The following SHISA9 variants were observed in gnomAD, a reference collection of about 807,000 sequenced individuals.
SHISA9 encodes the protein shisa family member 9, also known as protein shisa-9.
A neutral mutation model predicts 38.0 loss-of-function variants in SHISA9; 13 were observed. The ratio of observed to expected loss-of-function variants is 0.34; its 90% CI spans 0.22 to 0.54. The LOEUF is 0.54. SHISA9 is among the 20% of genes least tolerant of loss of function. The pLI, the probability that SHISA9 is intolerant of heterozygous loss-of-function variation, is 0.91. For missense variants in SHISA9, 538 were observed against 575.8 expected (o/e 0.93, Z 0.67); for synonymous variants, 275 against 242.0 (o/e 1.14, Z -1.27).
intron 2 of SHISA9, among the ~76,000 whole-genome samples, chr16:13,152,582 A>T (rs1262033411): frequency 6.6e-6 from 1 of 152,192 alleles, no homozygotes; most frequent in Non-Finnish European, 1.5e-5. Flanking sequence ...ATCATTTTCC[A>T]TTATTGGGTC....
the SHISA9 span, among the ~76,000 whole-genome samples, chr16:13,423,562 T>A: frequency 6.6e-6 from 1 of 152,150 alleles, no homozygotes; most frequent in African/African-American, 2.4e-5. Flanking sequence ...ATAAAACAAC[T>A]CATTTCCCCT....
intron 1 of SHISA9, among the ~76,000 whole-genome samples, chr16:12,907,047 CCCTTCCCT>C (rs1163720835): frequency 1.4e-4 from 18 of 131,544 alleles, no homozygotes; most frequent in Non-Finnish European, 1.9e-4. Context: ...TCCCCCTTCC[CCCTTCCCT>C]CCTTCCCTCC....
chr16:13,358,328 A>G, the SHISA9 span, among the ~76,000 whole-genome samples: 4 of 152,006 alleles, frequency 2.6e-5, no homozygotes, highest in African/African-American at 9.7e-5. Flanking sequence ...CTGGTTTTAA[A>G]AGCTTGGGAT....
chr16:13,100,921 C>G (rs941312453), intron 2 of SHISA9, among the ~76,000 whole-genome samples: 2 of 152,230 alleles, frequency 1.3e-5, no homozygotes, highest in East Asian at 3.9e-4. Flanking sequence ...TGGTCAAACT[C>G]CTGACCTCAG....
chr16:13,351,522 G>T, the SHISA9 span, among the ~76,000 whole-genome samples: 9 of 152,066 alleles, frequency 5.9e-5, no homozygotes, highest in Non-Finnish European at 1.2e-4. Flanking sequence ...GCATCTCCAG[G>T]TCCCATTTCC....
chr16:13,221,477 C>G (rs1250319137), intron 4 of SHISA9, among the ~76,000 whole-genome samples: 1 of 148,552 alleles, frequency 6.7e-6, no homozygotes, highest in Non-Finnish European at 1.5e-5. Context: ...AACTCTTTCC[C>G]TATCACTTTT....
At chr16:13,430,815 A>G in the SHISA9 span, among the ~76,000 whole-genome samples, 1 of 151,352 alleles carries the variant, frequency 6.6e-6, no homozygotes, top group Non-Finnish European at 1.5e-5. Context: ...GCTACTTGGG[A>G]GGTCAAGGTG....
chr16:13,298,331 A>T, the SHISA9 span, among the ~76,000 whole-genome samples: 1 of 152,132 alleles, frequency 6.6e-6, no homozygotes, highest in African/African-American at 2.4e-5. Context: ...GGAAACTCTA[A>T]TTTTCTATTA....
intron 2 of SHISA9, among the ~76,000 whole-genome samples, chr16:12,942,757 T>C (rs966561737): frequency 1.3e-5 from 2 of 152,038 alleles, no homozygotes; most frequent in Non-Finnish European, 2.9e-5. Context: ...CCTCATCTGC[T>C]TTCTGTTTTC....
chr16:13,269,532 C>T, the SHISA9 span, among the ~76,000 whole-genome samples: 1 of 152,196 alleles, frequency 6.6e-6, no homozygotes, highest in Non-Finnish European at 1.5e-5. Context: ...TGAGCCTCTG[C>T]CAAGCAGGCT....
the SHISA9 span, among the ~76,000 whole-genome samples, chr16:13,329,874 T>C: frequency 2.6e-5 from 4 of 152,222 alleles, no homozygotes; most frequent in African/African-American, 9.6e-5. Context: ...ACTAGATGGT[T>C]CTTAAGGATA....
chr16:13,058,431 G>C (rs1050606023), intron 2 of SHISA9, among the ~76,000 whole-genome samples: 41 of 152,104 alleles, frequency 2.7e-4, no homozygotes, highest in Admixed American at 2.7e-3. Context: ...TAACTGCTAC[G>C]GCCATCCCTG....
chr16:13,481,047 CA>C, the SHISA9 span, among the ~76,000 whole-genome samples: 1 of 152,198 alleles, frequency 6.6e-6, no homozygotes, highest in African/African-American at 2.4e-5. Context: ...CACCCAACCA[CA>C]AAGCTGGAAA....
At chr16:13,141,487 C>A (rs1158054850) in intron 2 of SHISA9, among the ~76,000 whole-genome samples, 1 of 151,958 alleles carries the variant, frequency 6.6e-6, no homozygotes, top group African/African-American at 2.4e-5. Flanking sequence ...GAGATCGAGA[C>A]CATCCTGGCT....
intron 2 of SHISA9, among the ~76,000 whole-genome samples, chr16:13,053,463 C>T: frequency 6.6e-6 from 1 of 152,238 alleles, no homozygotes. Flanking sequence ...ACAGTCTATT[C>T]TTTCTGCAGC....
chr16:13,217,580 C>T (rs980788324), intron 4 of SHISA9, among the ~76,000 whole-genome samples: 1 of 152,164 alleles, frequency 6.6e-6, no homozygotes, highest in Non-Finnish European at 1.5e-5. Flanking sequence ...TAGAGGAAAT[C>T]AGAGAATGTA....
At chr16:13,307,131 C>A in the SHISA9 span, among the ~76,000 whole-genome samples, 1 of 152,180 alleles carries the variant, frequency 6.6e-6, no homozygotes, top group African/African-American at 2.4e-5. Flanking sequence ...CTGGACAAGT[C>A]GTTCAACTGC....
intron 2 of SHISA9, among the ~76,000 whole-genome samples, chr16:13,167,022 T>A (rs892154081): frequency 2.0e-5 from 3 of 151,778 alleles, no homozygotes; most frequent in Non-Finnish European, 4.4e-5. Context: ...TTTAGGAGAA[T>A]TTTTTTTATT....
chr16:13,272,398 A>AT, the SHISA9 span, among the ~76,000 whole-genome samples: 163 of 151,376 alleles, frequency 1.1e-3, no homozygotes, highest in African/African-American at 3.3e-3. Context: ...TTTAAAAACA[A>AT]TTTTTTTTTA....
Sources: gnomAD v4.1 joint callset for allele counts (sites outside exome capture counted in the v4.1 genomes callset) on GRCh38, gnomAD v4.1.1 for gene constraint, MANE v1.5 for transcripts, NCBI Gene and HGNC (gene_info 2026-07-23, HGNC 2026-07-21) for gene names.